The following GLB1L2 variants were observed in gnomAD, a reference collection of about 807,000 sequenced individuals.
The protein encoded by GLB1L2 is galactosidase beta 1 like 2.
A neutral mutation model predicts 84.1 loss-of-function variants in GLB1L2; 68 were observed. The ratio of observed to expected loss-of-function variants is 0.81; its 90% CI spans 0.67 to 0.99. The LOEUF is 0.99. Ranked by LOEUF, GLB1L2 falls within the 50% of genes least tolerant of loss-of-function variation. The pLI is 0.00. For missense variants in GLB1L2, 762 were observed against 805.6 expected, an observed-to-expected ratio of 0.95 and a Z score of 0.66; for synonymous variants, 290 against 318.0, an observed-to-expected ratio of 0.91 and a Z score of 0.94.
intron 7 of GLB1L2, chr11:134,360,658 TTC>T (rs1442371164): frequency 2.0e-5 from 3 of 148,182 alleles, no homozygotes; most frequent in Admixed American, 1.3e-4. Context: ...CCGGAATAAC[TTC>T]TTTTTTTTTT....
intron 4 of GLB1L2, chr11:134,347,080 G>T: frequency 2.1e-6 from 1 of 485,810 alleles, no homozygotes; most frequent in Non-Finnish European, 3.7e-6. Context: ...CCCTGTAGCT[G>T]TGGAGCTGGA....
chr11:134,347,152 C>T (rs146125818), intron 4 of GLB1L2, 173 bp from the exon 5 acceptor site: 415 of 629,202 alleles, frequency 6.6e-4, no homozygotes, highest in African/African-American at 5.8e-3. Context: ...GGTGGGTGCT[C>T]GCCCCAGAAT....
rs1301195015 is a variant in GLB1L2, at chr11:134,371,483, CCT to C, written c.1420_1421del (p.Leu474AspfsTer24). 8.2e-6 allele frequency: 13 copies of C among 1,585,134 alleles called. No individual in the cohort carries two copies. In the African/African-American group the frequency reaches 1.1e-4, roughly 13 times the overall value. On this transcript the variant is annotated frameshift_variant, in exon 14 of 19. Coordinates refer to ENST00000535456, the MANE Select transcript of GLB1L2 (RefSeq NM_001370461.1). LOFTEE classifies it high-confidence loss of function. Reference protein sequence around the residue: ...DYKTTKIAVPLIQGYTVLRIL... With the variant: ...DYKTTKIAVPXIQGYTVLRIL... Reference sequence around the variant, plus strand: ...ACAAGACAACGAAGATTGCTGTCCCCCTGATCCAGGTTCGTTGTTTTTGGGAG... The same window carrying C: ...ACAAGACAACGAAGATTGCTGTCCCCGATCCAGGTTCGTTGTTTTTGGGAG...
intron 1 of GLB1L2, 54 bp from the exon 2 acceptor site, chr11:134,342,700 C>G: frequency 6.5e-7 from 1 of 1,546,312 alleles, no homozygotes; most frequent in Non-Finnish European, 8.8e-7. Context: ...GCGAGGAAGC[C>G]GATCTCTCTG....
chr11:134,374,259 T>TG lies in GLB1L2; in HGVS notation c.1707+5dup. 1 of 1,595,894 alleles carries TG rather than the reference T, an allele frequency of 6.3e-7. No individual in the cohort carries two copies. The highest frequency in any genetic ancestry group is 8.6e-7 in the Non-Finnish European group (1 of 1,163,432). On this transcript the variant is annotated splice_donor_region_variant and intron_variant, in intron 17 of 18. Transcript: ENST00000535456. ...GTGACACCTTTCTGAAGCTGGAGGTTGGTAACGCCCTTTTCCCTGCCAGTT... is the reference window on the plus strand; with the variant it reads ...GTGACACCTTTCTGAAGCTGGAGGTTGGGTAACGCCCTTTTCCCTGCCAGTT...
intron 9 of GLB1L2, 71 bp from the exon 10 acceptor site, chr11:134,368,573 T>C (rs1474157180): frequency 1.3e-6 from 2 of 1,525,912 alleles, no homozygotes; most frequent in East Asian, 4.5e-5. Flanking sequence ...AAGAGGAGAG[T>C]AGTGAAGGGA....
intron 1 of GLB1L2, among the ~76,000 whole-genome samples, chr11:134,342,477 G>C (rs1349730412): frequency 6.6e-6 from 1 of 152,098 alleles, no homozygotes; most frequent in African/African-American, 2.4e-5. Context: ...CTCCCGTGGC[G>C]TGACGGCTGC....
chr11:134,352,898 T>C (rs147248452), intron 5 of GLB1L2, among the ~76,000 whole-genome samples: 17,060 of 152,132 alleles, frequency 0.11, 1,217 homozygotes, highest in African/African-American at 0.2. Context: ...TCCGCCCGCC[T>C]TGGCCTCCCA....
Position 134,370,287 on chromosome 11 carries a change from T to C in GLB1L2, c.1109-6T>C, listed in dbSNP as rs770411275. The C allele has an allele frequency of 1.2e-6, 2 of 1,612,556 alleles. No homozygotes were observed. Among genetic ancestry groups the C allele is most frequent in the Non-Finnish European group, 1.7e-6 (2 of 1,178,762 alleles). On this transcript the variant is annotated splice_region_variant and splice_polypyrimidine_tract_variant and intron_variant, in intron 11 of 18. Transcript: ENST00000535456. This position sits in a 1 kb window ranked among gnomAD's most constrained non-coding sequence, Gnocchi z 4.7. ...GTTGGGGGTGACCCTGTTTTCTGTG[T>C]TGCAGGCATCCCTCTCCCTCCCCCA...
At chr11:134,355,722 C>A (rs1943691687) in intron 5 of GLB1L2, among the ~76,000 whole-genome samples, 1 of 152,228 alleles carries the variant, frequency 6.6e-6, no homozygotes. Context: ...AGTCCTCTGG[C>A]AGCTTTCATA....
chr11:134,370,027 G>A lies in GLB1L2; in HGVS notation c.1108+142G>A. The A allele has an allele frequency of 1.4e-6, 1 of 731,238 alleles. No homozygotes were observed. The highest frequency in any genetic ancestry group is 2.3e-6 in the Non-Finnish European group (1 of 430,452). 45.3% of individuals were successfully genotyped at this position (731,238 alleles called of 1,614,324 possible). ...ATATCCTAGACAAGGACAGGGAGGT[G>A]TGTGAGGCTGTTTCCATCTTGCCGG... On this transcript the variant is annotated intron_variant, in intron 11 of 18. Coordinates refer to ENST00000535456, the MANE Select transcript of GLB1L2 (RefSeq NM_001370461.1). This position sits in a 1 kb window ranked among gnomAD's most constrained non-coding sequence, Gnocchi z 4.7.
At chr11:134,374,544 C>G in intron 17 of GLB1L2, 58 bp from the exon 18 acceptor site, 1 of 1,331,486 alleles carries the variant, frequency 7.5e-7, no homozygotes. Flanking sequence ...ATGCATGTCT[C>G]CCTCCACTTT....
intron 6 of GLB1L2, among the ~76,000 whole-genome samples, chr11:134,358,583 G>C (rs1212646489): frequency 6.6e-6 from 1 of 152,270 alleles, no homozygotes; most frequent in African/African-American, 2.4e-5. Context: ...GGGCCCTCCT[G>C]GGCCTTGCCA....
At chr11:134,373,459 C>T (rs1425665370) in intron 15 of GLB1L2, among the ~76,000 whole-genome samples, 1 of 152,206 alleles carries the variant, frequency 6.6e-6, no homozygotes, top group Non-Finnish European at 1.5e-5. Flanking sequence ...CGCCCTGTAA[C>T]ACCTCAGCTC....
At chr11:134,337,306 T>G (rs1943401452) in intron 1 of GLB1L2, among the ~76,000 whole-genome samples, 1 of 152,236 alleles carries the variant, frequency 6.6e-6, no homozygotes. Flanking sequence ...GCCAAAGCCC[T>G]TGGGCGTATT....
intron 1 of GLB1L2, among the ~76,000 whole-genome samples, chr11:134,337,617 G>T (rs1344501080): frequency 6.6e-6 from 1 of 152,222 alleles, no homozygotes. Flanking sequence ...GCAGCAGGAT[G>T]TCCAAGGAAG....
In GLB1L2 at chr11:134,347,379, C is replaced by T. The variant is rs763630207; in HGVS notation, c.504C>T (p.Thr168=). 32 of 1,614,130 alleles carry T rather than the reference C, an allele frequency of 2.0e-5. No homozygotes were observed. Among genetic ancestry groups the T allele is most frequent in the East Asian group, 6.7e-5 (3 of 44,888 alleles). ...TGAGGACAACTTACAAGGGCTTCACCGAAGCAGTGGACCTTTATTTTGACC... is the reference window on the plus strand; with the variant it reads ...TGAGGACAACTTACAAGGGCTTCACTGAAGCAGTGGACCTTTATTTTGACC... ...MRLRTTYKGF[T]EAVDLYFDHL... Residue 168 remains threonine (T), a synonymous_variant, in exon 5 of 19, where the codon ACC becomes ACT. Transcript: ENST00000535456.
intron 1 of GLB1L2, among the ~76,000 whole-genome samples, chr11:134,341,170 G>T (rs1465137817): frequency 6.6e-6 from 1 of 152,220 alleles, no homozygotes; most frequent in African/African-American, 2.4e-5. Flanking sequence ...AGAAAAAAGT[G>T]TGGTGAATAG....
chr11:134,349,275 C>T (rs1264541913), intron 5 of GLB1L2, among the ~76,000 whole-genome samples: 2 of 152,206 alleles, frequency 1.3e-5, no homozygotes, highest in Non-Finnish European at 2.9e-5. Flanking sequence ...TCAGAATTTC[C>T]TTCCTTTTTA....
Sources: allele counts gnomAD v4.1 joint callset (sites outside exome capture counted in the v4.1 genomes callset), GRCh38; gene constraint gnomAD v4.1.1; non-coding constraint Gnocchi (gnomAD v3.1); transcripts MANE v1.5; gene names NCBI Gene and HGNC (gene_info 2026-07-23, HGNC 2026-07-21).